The following APBB2 variants were observed in gnomAD, a reference collection of about 807,000 sequenced individuals.
The protein encoded by APBB2 is amyloid beta precursor protein binding family B member 2, also known as Fe65-like 1.
A neutral mutation model predicts 82.5 loss-of-function variants in APBB2; 38 were observed. The ratio of observed to expected loss-of-function variants is 0.46; its 90% CI spans 0.36 to 0.60. The LOEUF is 0.60. Among genes scored for constraint, APBB2 ranks in the 20% least tolerant of loss-of-function variants. The probability of loss-of-function intolerance (pLI) is 0.00; values close to 1 mark genes in which losing one functional copy is unlikely to be tolerated. For synonymous variants in APBB2, 341 were observed against 368.2 expected (o/e 0.93, Z 0.85); for missense variants, 772 against 972.3 (o/e 0.79, Z 2.74).
intron 1 of APBB2, among the ~76,000 whole-genome samples, chr4:41,151,733 C>T (rs1268478298): frequency 6.6e-6 from 1 of 151,800 alleles, no homozygotes; most frequent in East Asian, 1.9e-4. Flanking sequence ...GTCTGATAAA[C>T]AATCTGCCTT....
chr4:41,143,297 C>T (rs991823380), intron 1 of APBB2, among the ~76,000 whole-genome samples, 155 bp from the exon 2 acceptor site: 1 of 152,172 alleles, frequency 6.6e-6, no homozygotes, highest in African/African-American at 2.4e-5. Context: ...ATCCTAAAGA[C>T]AAGTGTGGGC....
intron 6 of APBB2, among the ~76,000 whole-genome samples, chr4:40,992,362 G>GA (rs1553899623): frequency 2.4e-4 from 1 of 4,164 alleles, no homozygotes; most frequent in African/African-American, 3.2e-4. Flanking sequence ...TGGTAGAGAT[G>GA]GGGGGGGGTC....
At chr4:41,072,564 G>T (rs1295407357) in intron 3 of APBB2, among the ~76,000 whole-genome samples, 1 of 152,146 alleles carries the variant, frequency 6.6e-6, no homozygotes, top group Non-Finnish European at 1.5e-5. Flanking sequence ...AGGGCACAGG[G>T]CACGGCCTCT....
At chr4:41,033,584 T>TCACACACACACA (rs71915197) in intron 4 of APBB2, among the ~76,000 whole-genome samples, 1,591 of 130,784 alleles carry the variant, frequency 0.012, 15 homozygotes, top group East Asian at 0.031. Context: ...CTTTTTCTCA[T>TCACACACACACA]CACACACACA....
chr4:41,096,608 A>T (rs900094649), intron 3 of APBB2, among the ~76,000 whole-genome samples: 1 of 152,246 alleles, frequency 6.6e-6, no homozygotes, highest in Non-Finnish European at 1.5e-5. Context: ...AAACATTTGT[A>T]ATTTGTTTAA....
rs184071511 is a variant in APBB2, at chr4:40,852,296, G to A, written c.1530-21719C>T. 8.0e-5 allele frequency among the ~76,000 whole-genome samples: 12 copies of A among 150,510 alleles called. No homozygotes were observed. The East Asian group carries it at 2.4e-3, about 30-fold the overall frequency. ...AACCCGGGAGGCGAAGGCTGCAGGG[G>A]GCCGAGATCGTGACACTGCACTCCA... On this transcript the variant is annotated intron_variant, in intron 12 of 17. Coordinates refer to ENST00000508593, the MANE Select transcript of APBB2 (RefSeq NM_004307.2).
chr4:40,882,293 G>T (rs1392740943), intron 12 of APBB2, among the ~76,000 whole-genome samples: 1 of 152,176 alleles, frequency 6.6e-6, no homozygotes, highest in African/African-American at 2.4e-5. Context: ...TTAAAACATA[G>T]AAGCTTCACG....
At chr4:41,115,175 T>G (rs1332408708) in intron 2 of APBB2, among the ~76,000 whole-genome samples, 2 of 152,148 alleles carry the variant, frequency 1.3e-5, no homozygotes, top group East Asian at 3.8e-4. Context: ...GCCACACAGC[T>G]ACAACCATCT....
chr4:41,070,959 G>T (rs1318965026), intron 3 of APBB2, among the ~76,000 whole-genome samples: 1 of 152,160 alleles, frequency 6.6e-6, no homozygotes, highest in Non-Finnish European at 1.5e-5. Flanking sequence ...TGCATTTACG[G>T]TACTAGCCAT....
chr4:41,214,237 G>T (rs2154085020), intron 1 of APBB2, among the ~76,000 whole-genome samples, 168 bp downstream of exon 1: 1 of 152,294 alleles, frequency 6.6e-6, no homozygotes, highest in South Asian at 2.1e-4. Flanking sequence ...GGCTGCGGCT[G>T]AGCGGGCAGC....
chr4:41,039,273 A>C (rs1720440023), intron 4 of APBB2, among the ~76,000 whole-genome samples: 2 of 152,182 alleles, frequency 1.3e-5, no homozygotes, highest in Admixed American at 6.5e-5. Context: ...CACCTGAAAA[A>C]TTCAAGTAGT....
chr4:41,053,969 C>T (rs532279548), intron 4 of APBB2, among the ~76,000 whole-genome samples: 24 of 152,322 alleles, frequency 1.6e-4, no homozygotes, highest in Middle Eastern at 6.8e-3. Context: ...ACATCTGCGT[C>T]TTCATATCTG....
chr4:41,000,304 T>C (rs894266248), intron 6 of APBB2, among the ~76,000 whole-genome samples: 1 of 151,810 alleles, frequency 6.6e-6, no homozygotes, highest in Non-Finnish European at 1.5e-5. Flanking sequence ...AAGGGCAAAG[T>C]CAAACTGGCC....
At chr4:41,085,322 C>A (rs983457517) in intron 3 of APBB2, among the ~76,000 whole-genome samples, 1 of 149,948 alleles carries the variant, frequency 6.7e-6, no homozygotes, top group African/African-American at 2.5e-5. Flanking sequence ...CACTGAATTA[C>A]AATAACATCA....
At chr4:41,025,468 A>C (rs1173820525) in intron 5 of APBB2, among the ~76,000 whole-genome samples, 1 of 152,170 alleles carries the variant, frequency 6.6e-6, no homozygotes, top group African/African-American at 2.4e-5. Flanking sequence ...AAAAGTTAAA[A>C]GCAGAACTAC....
At chr4:41,084,201 G>T (rs1425709402) in intron 3 of APBB2, among the ~76,000 whole-genome samples, 1 of 152,156 alleles carries the variant, frequency 6.6e-6, no homozygotes, top group Non-Finnish European at 1.5e-5. Context: ...GAGACAGGCG[G>T]ATCACCTGAG....
chr4:41,132,271 T>C (rs1334287004), intron 2 of APBB2, among the ~76,000 whole-genome samples: 4 of 152,136 alleles, frequency 2.6e-5, no homozygotes, highest in African/African-American at 9.7e-5. Context: ...CAGACAAGCC[T>C]ATCAAGAGTT....
intron 1 of APBB2, among the ~76,000 whole-genome samples, chr4:41,156,044 A>T (rs1460196715): frequency 6.6e-6 from 1 of 152,126 alleles, no homozygotes; most frequent in Non-Finnish European, 1.5e-5. Flanking sequence ...GTATTTTAGT[A>T]GTACATAAGT....
chr4:40,998,740 C>CA (rs1213427372), intron 6 of APBB2, among the ~76,000 whole-genome samples: 5 of 152,172 alleles, frequency 3.3e-5, no homozygotes, highest in African/African-American at 1.2e-4. Context: ...TTGCCAGCGT[C>CA]ACTCCTCTTG....
Sources: allele counts gnomAD v4.1 joint callset (sites outside exome capture counted in the v4.1 genomes callset), GRCh38; gene constraint gnomAD v4.1.1; transcripts MANE v1.5; gene names NCBI Gene and HGNC (gene_info 2026-07-23, HGNC 2026-07-21).